The following NLGN1 variants were observed in gnomAD, a reference collection of about 807,000 sequenced individuals.
NLGN1 encodes neuroligin 1.
Under a neutral mutation model 65.5 loss-of-function variants are expected in NLGN1, and 12 were observed. That is an observed-to-expected ratio of 0.18 (90% CI 0.12 to 0.30). The LOEUF is 0.30. Ranked by LOEUF, NLGN1 falls within the 10% of genes least tolerant of loss-of-function variation. NLGN1 has a pLI of 1.00. For synonymous variants in NLGN1, 350 were observed against 359.5 expected (o/e 0.97, Z 0.30); for missense variants, 750 against 1,007.1 (o/e 0.74, Z 3.46).
intron 2 of NLGN1, among the ~76,000 whole-genome samples, chr3:173,555,001 TG>T (rs1315205746): frequency 3.3e-5 from 5 of 152,222 alleles, no homozygotes; most frequent in African/African-American, 4.8e-5. Context: ...ATTACTCCAA[TG>T]ACTAAAGATG....
At chr3:174,193,411 T>C (rs1732758008) in intron 4 of NLGN1, among the ~76,000 whole-genome samples, 1 of 152,186 alleles carries the variant, frequency 6.6e-6, no homozygotes, top group Non-Finnish European at 1.5e-5. Context: ...TGGTACTTTT[T>C]CTGGGAGTAT....
chr3:173,645,750 T>A (rs1380097129), intron 3 of NLGN1, among the ~76,000 whole-genome samples: 1 of 152,142 alleles, frequency 6.6e-6, no homozygotes, highest in African/African-American at 2.4e-5. Context: ...TCATGGAGAA[T>A]GAGGGAGAAA....
At chr3:173,813,474 A>C (rs934814677) in intron 4 of NLGN1, among the ~76,000 whole-genome samples, 1 of 152,240 alleles carries the variant, frequency 6.6e-6, no homozygotes, top group African/African-American at 2.4e-5. Flanking sequence ...GACTGTTTTC[A>C]TGGAAATGGT....
intron 4 of NLGN1, among the ~76,000 whole-genome samples, chr3:174,022,745 G>T (rs1043283792): frequency 2.0e-5 from 3 of 152,008 alleles, no homozygotes; most frequent in Non-Finnish European, 4.4e-5. Flanking sequence ...GATGCAGGGG[G>T]TATCTTTTGT....
At chr3:173,402,516 C>T (rs1464335816) in intron 1 of NLGN1, among the ~76,000 whole-genome samples, 1 of 152,108 alleles carries the variant, frequency 6.6e-6, no homozygotes. Context: ...TTCATTATCT[C>T]AGAACCAGAT....
intron 4 of NLGN1, among the ~76,000 whole-genome samples, chr3:174,100,696 C>T (rs1712233609): frequency 6.6e-6 from 1 of 151,956 alleles, no homozygotes. Context: ...AAGGAAGTTT[C>T]CTTTTTTTTT....
intron 1 of NLGN1, among the ~76,000 whole-genome samples, chr3:173,402,373 T>C (rs569339476): frequency 3.9e-5 from 6 of 152,190 alleles, no homozygotes; most frequent in African/African-American, 7.2e-5. Flanking sequence ...GTTTATATTT[T>C]CTGTAAGTTC....
At chr3:173,559,406 A>T (rs1056237176) in intron 2 of NLGN1, among the ~76,000 whole-genome samples, 1 of 152,184 alleles carries the variant, frequency 6.6e-6, no homozygotes, top group South Asian at 2.1e-4. Context: ...CTGCCTATAC[A>T]TAGACTAAGG....
chr3:174,232,016 C>T (rs2111956), intron 4 of NLGN1, among the ~76,000 whole-genome samples: 27,555 of 152,140 alleles, frequency 0.18, 2,616 homozygotes, highest in Middle Eastern at 0.22. Flanking sequence ...AGCCAAGAAA[C>T]TGTGGGAGCT....
intron 2 of NLGN1, among the ~76,000 whole-genome samples, chr3:173,468,082 A>G (rs1415939099): frequency 6.6e-6 from 1 of 152,098 alleles, no homozygotes; most frequent in Non-Finnish European, 1.5e-5. Context: ...TTGCACACTG[A>G]ATGTCTGCCC....
In NLGN1 at chr3:174,213,042, C is replaced by T. The variant is rs9942025; in HGVS notation, c.647-62273C>T. On this transcript the variant is annotated intron_variant, in intron 4 of 6. Coordinates refer to ENST00000457714, the Ensembl canonical transcript of NLGN1. ...CTTATTTAAAAGTCAGTTAATTAAC[C>T]ATCTTAATTCTATAAGCAACTTTAA... Among the ~76,000 whole-genome samples, 858 of 152,234 alleles carry T rather than the reference C, an allele frequency of 5.6e-3. 7 individuals are homozygous for T. The highest frequency in any genetic ancestry group is 0.019 in the African/African-American group (805 of 41,550).
chr3:173,450,832 C>T (rs1202512770), intron 2 of NLGN1, among the ~76,000 whole-genome samples: 1 of 152,040 alleles, frequency 6.6e-6, no homozygotes, highest in Non-Finnish European at 1.5e-5. Flanking sequence ...TAGCTGATAC[C>T]CTTTCTTCCA....
At chr3:173,529,302 T>C (rs1736160189) in intron 2 of NLGN1, among the ~76,000 whole-genome samples, 1 of 152,042 alleles carries the variant, frequency 6.6e-6, no homozygotes, top group African/African-American at 2.4e-5. Context: ...CAAAAGCAGG[T>C]GAGTACGTAC....
At chr3:173,734,612 A>T (rs1230653631) in intron 3 of NLGN1, among the ~76,000 whole-genome samples, 2 of 151,792 alleles carry the variant, frequency 1.3e-5, no homozygotes, top group Non-Finnish European at 2.9e-5. Flanking sequence ...TATGTTGTCT[A>T]GGCTAGTCTT....
At chr3:174,050,996 A>C (rs1395480499) in intron 4 of NLGN1, among the ~76,000 whole-genome samples, 2 of 152,028 alleles carry the variant, frequency 1.3e-5, no homozygotes, top group African/African-American at 4.8e-5. Context: ...TACAATCAGC[A>C]AAGGGATGTC....
At chr3:173,689,662 G>A (rs899043811) in intron 3 of NLGN1, among the ~76,000 whole-genome samples, 8 of 152,074 alleles carry the variant, frequency 5.3e-5, no homozygotes. Context: ...ATCATATTTT[G>A]TGTATTACAA....
intron 4 of NLGN1, among the ~76,000 whole-genome samples, chr3:173,951,629 A>C (rs1748228233): frequency 6.6e-6 from 1 of 151,586 alleles, no homozygotes; most frequent in South Asian, 2.1e-4. Flanking sequence ...TGCCCAGCTA[A>C]TTTTTGTATT....
chr3:173,872,911 CAG>C (rs1399800856), intron 4 of NLGN1, among the ~76,000 whole-genome samples: 3 of 151,772 alleles, frequency 2.0e-5, no homozygotes, highest in Non-Finnish European at 4.4e-5. Flanking sequence ...TAAGGAGACA[CAG>C]AGGGGATATA....
Position 173,552,210 on chromosome 3 carries a change from A to G in NLGN1, c.-320-52069A>G, listed in dbSNP as rs528600977. 2.0e-5 allele frequency among the ~76,000 whole-genome samples: 3 copies of G among 152,324 alleles called. No individual in the cohort carries two copies. In the East Asian group the frequency reaches 5.8e-4, roughly 29 times the overall value. On this transcript the variant is annotated intron_variant, in intron 2 of 6. Coordinates refer to ENST00000457714, the Ensembl canonical transcript of NLGN1. ...GTGGAGAAATCTTTTTGATGGCTAT[A>G]GTAAGAGCTGACCACTGGGGAGGAG...
Sources: allele counts gnomAD v4.1 joint callset (sites outside exome capture counted in the v4.1 genomes callset), GRCh38; gene constraint gnomAD v4.1.1; transcripts MANE v1.5; gene names NCBI Gene and HGNC (gene_info 2026-07-23, HGNC 2026-07-21).